Variants in CEMIP2 observed in about 807,000 individuals in gnomAD.
CEMIP2 encodes the protein cell migration inducing hyaluronidase 2.
CEMIP2 carries 79 observed loss-of-function variants against 146.9 expected under a neutral mutation model. The observed-to-expected ratio is 0.54, with a 90% CI of 0.45 to 0.65. CEMIP2 has a LOEUF of 0.65. CEMIP2 is among the 30% of genes least tolerant of loss of function. The probability of loss-of-function intolerance (pLI) is 0.00; values close to 1 mark genes in which losing one functional copy is unlikely to be tolerated. For synonymous variants in CEMIP2, 601 were observed against 606.3 expected (o/e 0.99, Z 0.13); for missense variants, 1,596 against 1,696.2 (o/e 0.94, Z 1.04).
intron 22 of CEMIP2, chr9:71,686,907 T>C (rs1435815050): frequency 1.3e-5 from 2 of 152,216 alleles, no homozygotes; most frequent in East Asian, 3.8e-4. Context: ...TTAAGTTCTA[T>C]TATCTATTTA....
intron 10 of CEMIP2, 119 bp downstream of exon 10, chr9:71,729,726 C>A: frequency 1.1e-6 from 1 of 922,422 alleles, no homozygotes; most frequent in Non-Finnish European, 1.7e-6. Flanking sequence ...CAAGTAGTAC[C>A]AGAAAACAAT....
intron 1 of CEMIP2, among the ~76,000 whole-genome samples, chr9:71,756,191 C>CTAGATAGATAGATAGATAGATAGA (rs144371815): frequency 0.03 from 3,829 of 128,474 alleles, 111 homozygotes; most frequent in Middle Eastern, 0.039. Flanking sequence ...AGCAAAAATG[C>CTAGATAGATAGATAGATAGATAGA]TAGATAGATA....
At position 71,685,345 on chromosome 9, in the gene CEMIP2, G is replaced by C. The variant is rs143345708; in HGVS notation, c.4004C>G (p.Thr1335Ser). ...TCCAGCAGGACTGGTAAATAGCTTA[G>C]TCCATGATGGTTTAAAGTTTCCACT... ...GFSGNFKPSW[T>S]KLFTSPAGQG... The change falls in exon 24 of 24, where the codon ACT becomes AGT. Residue 1335 changes from threonine to serine, a missense_variant. Physicochemically the swap from Thr to Ser is moderately conservative, Grantham distance 58. Transcript: ENST00000377044. 76 of 1,579,300 alleles carry C rather than the reference G, an allele frequency of 4.8e-5. No individual in the cohort carries two copies. Among genetic ancestry groups the C allele is most frequent in the Admixed American group, 1.8e-5 (1 of 55,570 alleles).
intron 1 of CEMIP2, among the ~76,000 whole-genome samples, chr9:71,758,912 C>T (rs1824544479): frequency 6.6e-6 from 1 of 152,208 alleles, no homozygotes; most frequent in African/African-American, 2.4e-5. Flanking sequence ...CTTGTCACAG[C>T]GCTTTTGTCT....
Position 71,694,613 on chromosome 9 carries a change from C to T in CEMIP2, c.3598-6G>A. The stretch of plus-strand genomic sequence containing the variant: ...GGATCACTAGTAAACACCACCTAGA[C>T]AGAGAAGAAGTTCCATATTTATGGC... On this transcript the variant is annotated splice_region_variant and splice_polypyrimidine_tract_variant and intron_variant, in intron 20 of 23. Transcript: ENST00000377044. 1 of 1,599,358 alleles carries T rather than the reference C, an allele frequency of 6.3e-7. No individual in the cohort carries two copies. The highest frequency in any genetic ancestry group is 8.6e-7 in the Non-Finnish European group (1 of 1,166,872).
chr9:71,728,250 TGTATATAC>T lies in CEMIP2; in HGVS notation c.2049+1587_2049+1594del, dbSNP rs1414680276. The stretch of plus-strand genomic sequence containing the variant: ...CTCTCTCTATATATATATATATATA[TGTATATAC>T]ACGTATATATATATATATATATGTA... On this transcript the variant is annotated intron_variant, in intron 10 of 23. Transcript: ENST00000377044. 7.9e-3 allele frequency among the ~76,000 whole-genome samples: 184 copies of T among 23,416 alleles called. 9 individuals are homozygous for T. The highest frequency in any genetic ancestry group is 0.016 in the Non-Finnish European group (135 of 8,652). 15.4% of individuals were successfully genotyped at this position (23,416 alleles called of 152,430 possible). A position where few individuals can be genotyped will look rare whatever the true frequency, so the allele number is the denominator to read the frequency against.
At chr9:71,764,022 C>A (rs997064773) in intron 1 of CEMIP2, among the ~76,000 whole-genome samples, 1 of 152,006 alleles carries the variant, frequency 6.6e-6, no homozygotes, top group Non-Finnish European at 1.5e-5. Context: ...GACCTACAGC[C>A]ATAAGTTTTG....
intron 16 of CEMIP2, among the ~76,000 whole-genome samples, chr9:71,711,473 G>A (rs951800292): frequency 2.0e-5 from 3 of 151,980 alleles, no homozygotes; most frequent in African/African-American, 7.2e-5. Flanking sequence ...AGGGGGCTGA[G>A]GTGGGAGGAT....
At chr9:71,725,513 A>G (rs1017847104) in intron 11 of CEMIP2, 68 bp downstream of exon 11, 14 of 1,503,628 alleles carry the variant, frequency 9.3e-6, no homozygotes, top group Admixed American at 2.0e-5. Context: ...GGACTAAAAT[A>G]TAATCACAAT....
chr9:71,725,037 C>CGTTGCACATACCCGTATGT (rs371730062), intron 11 of CEMIP2, among the ~76,000 whole-genome samples: 1 of 152,032 alleles, frequency 6.6e-6, no homozygotes, highest in Non-Finnish European at 1.5e-5. Context: ...TACCTGTATG[C>CGTTGCACATACCCGTATGT]GCAATAGGTA....
At chr9:71,761,006 G>C (rs528907784) in intron 1 of CEMIP2, among the ~76,000 whole-genome samples, 2 of 151,638 alleles carry the variant, frequency 1.3e-5, no homozygotes, top group African/African-American at 2.4e-5. Flanking sequence ...ATCCCCCTTC[G>C]CCCTTGTTCT....
Position 71,745,180 on chromosome 9 carries a change from C to T in CEMIP2, c.872G>A (p.Arg291His), listed in dbSNP as rs25689. The change falls in exon 4 of 24, where the codon CGC becomes CAC. Residue 291 changes from arginine (R) to histidine (H), a missense_variant. Physicochemically the swap from Arg to His is conservative, Grantham distance 29. Transcript: ENST00000377044. ...ESERFDTHEY[R>H]NESRRLQEFL... ...CTCCTGAAGCCGCCTGCTCTCATTG[C>T]GGTATTCATGGGTATCAAATCTCTC... 0.23 allele frequency: 371,134 copies of T among 1,613,786 alleles called. 44,492 individuals carry two copies. The highest frequency in any genetic ancestry group is 0.34 in the South Asian group (31,066 of 91,068).
chr9:71,711,109 TG>T (rs1822892938), intron 16 of CEMIP2, among the ~76,000 whole-genome samples: 1 of 152,184 alleles, frequency 6.6e-6, no homozygotes, highest in African/African-American at 2.4e-5. Flanking sequence ...GATGAAAGCC[TG>T]GGGGCATGTA....
chr9:71,685,169 C>T lies in CEMIP2; in HGVS notation c.*28G>A, dbSNP rs1206509658. The T allele has an allele frequency of 2.0e-6, 3 of 1,531,602 alleles. No homozygotes were observed. The highest frequency in any genetic ancestry group is 1.4e-5 in the African/African-American group (1 of 71,574). 94.9% of individuals were successfully genotyped at this position (1,531,602 alleles called of 1,614,324 possible). On this transcript the variant is annotated 3_prime_UTR_variant, in exon 24 of 24. Transcript: ENST00000377044. Reference sequence around the variant, plus strand: ...AAATAAGTTAGTTCACATTTTTTTTCCCCCAGCACTTAAGTTACAGTTAGT... The same window carrying T: ...AAATAAGTTAGTTCACATTTTTTTTTCCCCAGCACTTAAGTTACAGTTAGT...
intron 2 of CEMIP2, among the ~76,000 whole-genome samples, chr9:71,746,801 C>T (rs1564023276): frequency 6.6e-6 from 1 of 152,130 alleles, no homozygotes; most frequent in Non-Finnish European, 1.5e-5. Flanking sequence ...CCTTCTTGCA[C>T]ACAGTGAATG....
At chr9:71,701,045 C>A (rs183324850) in intron 18 of CEMIP2, among the ~76,000 whole-genome samples, 2 of 152,316 alleles carry the variant, frequency 1.3e-5, no homozygotes, top group African/African-American at 4.8e-5. Context: ...GCTCAAATTT[C>A]TCATATCAAT....
chr9:71,700,340 A>C (rs1287051472), intron 19 of CEMIP2, among the ~76,000 whole-genome samples: 2 of 152,232 alleles, frequency 1.3e-5, no homozygotes, highest in Admixed American at 1.3e-4. Flanking sequence ...CATATGAAGA[A>C]CATTATTATG....
At chr9:71,723,116 G>A (rs985678167) in intron 11 of CEMIP2, among the ~76,000 whole-genome samples, 3 of 137,650 alleles carry the variant, frequency 2.2e-5, no homozygotes, top group Admixed American at 7.7e-5. Context: ...AGAGATGGCA[G>A]AGAGCATGGA....
rs1439433139 is a variant in CEMIP2, at chr9:71,730,088, C to CT, written c.1938dup (p.Val647SerfsTer12). The CT allele has an allele frequency of 6.8e-6, 11 of 1,614,056 alleles. No individual in the cohort carries two copies. The highest frequency in any genetic ancestry group is 1.3e-5 in the African/African-American group (1 of 74,898). ...GGCACAGGAATGTAATTTCCAAACA[C>CT]TTTATCTCGCATGGTGGTACACATG... On this transcript the variant is annotated frameshift_variant, in exon 9 of 24. Coordinates refer to ENST00000377044, the MANE Select transcript of CEMIP2 (RefSeq NM_013390.3). LOFTEE classifies it high-confidence loss of function.
Sources: gnomAD v4.1 joint callset for allele counts (sites outside exome capture counted in the v4.1 genomes callset) on GRCh38, gnomAD v4.1.1 for gene constraint, MANE v1.5 for transcripts, NCBI Gene and HGNC (gene_info 2026-07-23, HGNC 2026-07-21) for gene names.